Variants in HELZ observed in about 807,000 individuals in gnomAD.
HELZ encodes ATP-dependent RNA helicase with zinc finger domain.
Under a neutral mutation model 218.2 loss-of-function variants are expected in HELZ, and 23 were observed. The ratio of observed to expected loss-of-function variants is 0.11; its 90% CI spans 0.08 to 0.15. The LOEUF is 0.15. HELZ is among the 10% of genes least tolerant of loss of function. The pLI, the probability that HELZ is intolerant of heterozygous loss-of-function variation, is 1.00. For missense variants in HELZ, 1,813 were observed against 2,353.7 expected, an observed-to-expected ratio of 0.77 and a Z score of 4.75; for synonymous variants, 814 against 829.4, an observed-to-expected ratio of 0.98 and a Z score of 0.32.
chr17:67,104,112 G>A (rs1447131301), intron 31 of HELZ, among the ~76,000 whole-genome samples: 1 of 152,044 alleles, frequency 6.6e-6, no homozygotes, highest in East Asian at 1.9e-4. Flanking sequence ...AAAGAACTAA[G>A]AACCAAGTGT....
intron 31 of HELZ, among the ~76,000 whole-genome samples, chr17:67,103,202 C>G (rs2036983572): frequency 2.0e-5 from 3 of 152,116 alleles, no homozygotes; most frequent in Admixed American, 6.5e-5. Context: ...CTGTCATAAT[C>G]CATTTTTTGG....
intron 21 of HELZ, among the ~76,000 whole-genome samples, chr17:67,138,841 A>G (rs1357037979): frequency 6.6e-6 from 1 of 152,220 alleles, no homozygotes; most frequent in Non-Finnish European, 1.5e-5. Flanking sequence ...TTTTAATTCA[A>G]TGAATTGATC....
chr17:67,201,323 T>A (rs1758579322), intron 6 of HELZ, 138 bp from the exon 7 acceptor site: 1 of 568,466 alleles, frequency 1.8e-6, no homozygotes, highest in African/African-American at 1.9e-5. Context: ...ACTACTACCA[T>A]TAACGATGAC....
intron 24 of HELZ, among the ~76,000 whole-genome samples, chr17:67,128,044 C>T (rs1056331898): frequency 2.0e-5 from 3 of 152,064 alleles, no homozygotes; most frequent in Non-Finnish European, 1.5e-5. Context: ...GCAAATAAGC[C>T]GGCTGTCTCT....
chr17:67,244,806 T>TC (rs1257633509), intron 1 of HELZ: 2 of 983,106 alleles, frequency 2.0e-6, no homozygotes, highest in African/African-American at 1.8e-5. Flanking sequence ...GAGGCTCGAG[T>TC]CCCCCTCCCA....
At chr17:67,119,571 A>G (rs2037534276) in intron 27 of HELZ, among the ~76,000 whole-genome samples, 1 of 152,214 alleles carries the variant, frequency 6.6e-6, no homozygotes. Context: ...GGATATTGTT[A>G]AAACTCATCA....
chr17:67,179,198 C>T (rs1434058521), intron 12 of HELZ, among the ~76,000 whole-genome samples: 1 of 151,848 alleles, frequency 6.6e-6, no homozygotes, highest in East Asian at 1.9e-4. Context: ...TTTTAAAATA[C>T]AGATTAACAT....
chr17:67,140,078 T>G (rs1335280904), intron 21 of HELZ, among the ~76,000 whole-genome samples: 1 of 152,216 alleles, frequency 6.6e-6, no homozygotes, highest in Admixed American at 6.5e-5. Context: ...AGACCTATGC[T>G]GGGTAGATTC....
At chr17:67,141,011 T>C (rs1276029645) in intron 21 of HELZ, among the ~76,000 whole-genome samples, 3 of 152,170 alleles carry the variant, frequency 2.0e-5, no homozygotes, top group African/African-American at 7.2e-5. Flanking sequence ...AATAAAGACA[T>C]GCCCAGATGA....
At chr17:67,078,701 A>G in intron 32 of HELZ, 115 bp from the exon 33 acceptor site, 5 of 628,746 alleles carry the variant, frequency 8.0e-6, no homozygotes, top group Non-Finnish European at 1.2e-5. Context: ...AGGACAGTAT[A>G]GCCACAAGGA....
chr17:67,164,931 C>T (rs1325987171), intron 15 of HELZ, among the ~76,000 whole-genome samples: 1 of 152,012 alleles, frequency 6.6e-6, no homozygotes, highest in Non-Finnish European at 1.5e-5. Context: ...TTGTGATGAG[C>T]CAGAAAACAG....
intron 13 of HELZ, among the ~76,000 whole-genome samples, chr17:67,171,051 T>C (rs1453785110): frequency 1.3e-5 from 2 of 151,832 alleles, no homozygotes; most frequent in Non-Finnish European, 2.9e-5. Flanking sequence ...TTTTTTTTTT[T>C]CACTATACAG....
At chr17:67,218,523 G>C (rs2040664693) in intron 4 of HELZ, 72 bp downstream of exon 4, 1 of 1,129,858 alleles carries the variant, frequency 8.9e-7, no homozygotes, top group African/African-American at 1.5e-5. Flanking sequence ...TTAGCTATTT[G>C]TATCGTCACC....
intron 12 of HELZ, among the ~76,000 whole-genome samples, chr17:67,180,747 G>A (rs566645867): frequency 1.6e-4 from 24 of 152,108 alleles, no homozygotes; most frequent in Admixed American, 5.9e-4. Context: ...GCGTGGTGGC[G>A]GGTGCCTGTA....
chr17:67,167,027 T>C (rs1208871410), intron 14 of HELZ, among the ~76,000 whole-genome samples: 1 of 152,156 alleles, frequency 6.6e-6, no homozygotes, highest in African/African-American at 2.4e-5. Context: ...CAATTTACAA[T>C]TAATAAATAA....
intron 21 of HELZ, among the ~76,000 whole-genome samples, chr17:67,138,648 C>A (rs1241522120): frequency 6.6e-6 from 1 of 152,212 alleles, no homozygotes; most frequent in South Asian, 2.1e-4. Flanking sequence ...CAAACCACAG[C>A]TGGGACTAGG....
At chr17:67,178,333 T>C (rs2039515304) in intron 13 of HELZ, among the ~76,000 whole-genome samples, 2 of 152,330 alleles carry the variant, frequency 1.3e-5, no homozygotes, top group South Asian at 2.1e-4. Flanking sequence ...CATTCAGTGC[T>C]TGCTATGACT....
intron 10 of HELZ, 95 bp downstream of exon 10, chr17:67,190,062 A>G (rs760619966): frequency 2.1e-6 from 2 of 961,186 alleles, no homozygotes; most frequent in South Asian, 3.0e-5. Context: ...TGCAAAGAAG[A>G]TAAGGAAATA....
rs1314959539 is a variant in HELZ, at chr17:67,122,999, C to T, written c.3601G>A (p.Gly1201Arg). 6.2e-7 allele frequency: 1 copy of T among 1,612,936 alleles called. No homozygotes were observed. The highest frequency in any genetic ancestry group is 8.5e-7 in the Non-Finnish European group (1 of 1,178,980). The change falls in exon 26 of 33, where the codon GGG becomes AGG. Residue 1201 changes from glycine (G) to arginine (R), a missense_variant. Gly to Arg is a moderately radical substitution (Grantham distance 125). Coordinates refer to ENST00000358691, the MANE Select transcript of HELZ (RefSeq NM_014877.4). The part of the protein sequence containing the change: ...SILYVPAVYG[G>R]NVVMSVPLPV... ...AAAGGCACCGACATAACTACATTCC[C>T]TCCATAGACAGCAGGTACATAAAGA...
Sources: allele counts gnomAD v4.1 joint callset (sites outside exome capture counted in the v4.1 genomes callset), GRCh38; gene constraint gnomAD v4.1.1; transcripts MANE v1.5; gene names NCBI Gene and HGNC (gene_info 2026-07-23, HGNC 2026-07-21).